Variants in CYP7B1 observed in about 807,000 individuals in gnomAD.
CYP7B1 encodes the protein cytochrome P450 family 7 subfamily B member 1.
In CYP7B1, 29 loss-of-function variants were observed where a neutral mutation model predicts 42.7. The ratio of observed to expected loss-of-function variants is 0.68; its 90% CI spans 0.51 to 0.93. The LOEUF is 0.93. CYP7B1 is among the 40% of genes least tolerant of loss of function. The pLI is 0.00. For missense variants in CYP7B1, 655 were observed against 600.5 expected, an observed-to-expected ratio of 1.09 and a Z score of -0.95; for synonymous variants, 235 against 218.2, an observed-to-expected ratio of 1.08 and a Z score of -0.68.
At chr8:64,727,869 T>C (rs2129633003) in intron 1 of CYP7B1, 1 of 152,350 alleles carries the variant, frequency 6.6e-6, no homozygotes, top group South Asian at 2.1e-4. Flanking sequence ...TTCCAACCTT[T>C]TAAGAAGCAT....
At chr8:64,720,467 A>G (rs1176485410) in intron 1 of CYP7B1, among the ~76,000 whole-genome samples, 1 of 152,204 alleles carries the variant, frequency 6.6e-6, no homozygotes, top group Non-Finnish European at 1.5e-5. Flanking sequence ...TCTGAGCTTT[A>G]ATTTTATATG....
chr8:64,740,352 T>C (rs1443972041), intron 1 of CYP7B1, among the ~76,000 whole-genome samples: 1 of 152,086 alleles, frequency 6.6e-6, no homozygotes, highest in African/African-American at 2.4e-5. Context: ...GTCAATAATA[T>C]ATATATTTAC....
intron 1 of CYP7B1, among the ~76,000 whole-genome samples, chr8:64,758,912 C>T (rs539133355): frequency 6.6e-6 from 1 of 152,280 alleles, no homozygotes; most frequent in East Asian, 1.9e-4. Flanking sequence ...AATCCTTAGT[C>T]CCTGCTCCTT....
chr8:64,599,582 G>A (rs1805171745), intron 5 of CYP7B1, among the ~76,000 whole-genome samples: 1 of 152,204 alleles, frequency 6.6e-6, no homozygotes, highest in Non-Finnish European at 1.5e-5. Context: ...AATCACAAGA[G>A]AAGGTATAAG....
At chr8:64,795,018 A>T (rs1447898075) in intron 1 of CYP7B1, among the ~76,000 whole-genome samples, 1 of 152,216 alleles carries the variant, frequency 6.6e-6, no homozygotes, top group East Asian at 1.9e-4. Flanking sequence ...TTCAGAAAAA[A>T]AAAAGCAACA....
chr8:64,798,512 C>T lies in CYP7B1; in HGVS notation c.76G>A (p.Ala26Thr). 1 of 1,507,242 alleles carries T rather than the reference C, an allele frequency of 6.6e-7. No individual in the cohort carries two copies. The highest frequency in any genetic ancestry group is 8.8e-7 in the Non-Finnish European group (1 of 1,136,802). 93.4% of individuals were successfully genotyped at this position (1,507,242 alleles called of 1,614,324 possible). The change falls in exon 1 of 6, where the codon GCG becomes ACG. Residue 26 changes from alanine to threonine, a missense_variant. Transcript: ENST00000310193. The stretch of plus-strand genomic sequence containing the variant: ...CAGAGGGCCAGGAGCAGCAGGGCCG[C>T]GGCGAGGGCCAGGCCCGGGAGGCCC... ...RLGLPGLALAAALLLLALCLL... is the reference protein window; with the variant it reads ...RLGLPGLALATALLLLALCLL...
intron 1 of CYP7B1, 96 bp downstream of exon 1, chr8:64,798,370 C>T: frequency 1.4e-6 from 2 of 1,400,730 alleles, no homozygotes; most frequent in Non-Finnish European, 1.8e-6. Flanking sequence ...ACTGTCTGCA[C>T]TGGAAATCAT....
At chr8:64,619,841 G>A (rs111609817) in intron 2 of CYP7B1, among the ~76,000 whole-genome samples, 3 of 152,188 alleles carry the variant, frequency 2.0e-5, no homozygotes, top group African/African-American at 7.2e-5. Context: ...GAATTTTGGT[G>A]TTTTCATTTT....
At chr8:64,778,941 A>G (rs748116620) in intron 1 of CYP7B1, among the ~76,000 whole-genome samples, 27 of 152,150 alleles carry the variant, frequency 1.8e-4, no homozygotes, top group Admixed American at 1.5e-3. Flanking sequence ...TTGACCGTCA[A>G]GTGTGGCTTT....
chr8:64,771,747 C>T (rs4737681), intron 1 of CYP7B1, among the ~76,000 whole-genome samples: 47,226 of 152,142 alleles, frequency 0.31, 10,087 homozygotes, highest in African/African-American at 0.61. Flanking sequence ...CTCTCAACTG[C>T]GTTCTCCTTC....
chr8:64,784,052 T>C (rs923374777), intron 1 of CYP7B1, among the ~76,000 whole-genome samples: 5 of 152,128 alleles, frequency 3.3e-5, no homozygotes, highest in African/African-American at 1.2e-4. Context: ...AGATGCAAAT[T>C]AAAACAAATA....
chr8:64,751,481 C>T (rs1258267599), intron 1 of CYP7B1, among the ~76,000 whole-genome samples: 1 of 151,996 alleles, frequency 6.6e-6, no homozygotes, highest in Non-Finnish European at 1.5e-5. Context: ...TTATTGGTTG[C>T]TATTTAATTT....
At chr8:64,765,648 T>C (rs1053360519) in intron 1 of CYP7B1, among the ~76,000 whole-genome samples, 6 of 152,166 alleles carry the variant, frequency 3.9e-5, no homozygotes, top group Admixed American at 2.0e-4. Context: ...CAGAGGTCCA[T>C]GGGTGGTTAC....
chr8:64,798,380 T>C (rs371104484), intron 1 of CYP7B1, 86 bp downstream of exon 1: 6 of 1,412,446 alleles, frequency 4.2e-6, no homozygotes, highest in South Asian at 3.1e-5. Flanking sequence ...CTGGAAATCA[T>C]GGAGGGGGAC....
At chr8:64,731,503 G>T (rs957653176) in intron 1 of CYP7B1, among the ~76,000 whole-genome samples, 1 of 152,102 alleles carries the variant, frequency 6.6e-6, no homozygotes, top group Non-Finnish European at 1.5e-5. Flanking sequence ...GCAGCAAAAC[G>T]TTCAAGAGAA....
rs911872338 is a variant in CYP7B1, at chr8:64,753,683, G to A, written c.122+44783C>T. On this transcript the variant is annotated intron_variant, in intron 1 of 5. Transcript: ENST00000310193. ...AAGAACCAGTACACAAATACATTAAGCCAGTAAGTTTCAAACCAGATAAAT... is the reference window on the plus strand; with the variant it reads ...AAGAACCAGTACACAAATACATTAAACCAGTAAGTTTCAAACCAGATAAAT... Among the ~76,000 whole-genome samples, 20 of 152,194 alleles carry A rather than the reference G, an allele frequency of 1.3e-4. 1 individual carries two copies. The highest frequency in any genetic ancestry group is 4.8e-4 in the African/African-American group (20 of 41,442).
intron 1 of CYP7B1, among the ~76,000 whole-genome samples, chr8:64,746,758 C>T (rs1038353342): frequency 1.1e-4 from 16 of 151,954 alleles, no homozygotes; most frequent in African/African-American, 3.9e-4. Context: ...TAACCAAACC[C>T]AATGTTACAT....
chr8:64,609,175 T>C (rs1019159312), intron 4 of CYP7B1, among the ~76,000 whole-genome samples: 6 of 152,182 alleles, frequency 3.9e-5, no homozygotes, highest in Non-Finnish European at 7.4e-5. Flanking sequence ...AAATAAAAAT[T>C]GGATATATTT....
chr8:64,779,097 G>A (rs971821537), intron 1 of CYP7B1, among the ~76,000 whole-genome samples: 1 of 152,038 alleles, frequency 6.6e-6, no homozygotes, highest in African/African-American at 2.4e-5. Context: ...TGCTTAAAAT[G>A]TACTAGCTCT....
Sources: gnomAD v4.1 joint callset for allele counts (sites outside exome capture counted in the v4.1 genomes callset) on GRCh38, gnomAD v4.1.1 for gene constraint, MANE v1.5 for transcripts, NCBI Gene and HGNC (gene_info 2026-07-23, HGNC 2026-07-21) for gene names.